ASIC2: variants seen among roughly 807,000 people sequenced by gnomAD.
The protein encoded by ASIC2 is acid sensing ion channel subunit 2, also known as acid-sensing ion channel 2.
ASIC2 carries 25 observed loss-of-function variants against 57.3 expected under a neutral mutation model. The observed-to-expected ratio is 0.44, with a 90% CI of 0.32 to 0.61. ASIC2 has a LOEUF of 0.61. ASIC2 is among the 20% of genes least tolerant of loss of function. The pLI, the probability that ASIC2 is intolerant of heterozygous loss-of-function variation, is 0.06. For synonymous variants in ASIC2, 319 were observed against 307.5 expected (o/e 1.04, Z -0.39); for missense variants, 641 against 738.1 (o/e 0.87, Z 1.52).
chr17:33,287,280 C>T (rs928003233), intron 1 of ASIC2, among the ~76,000 whole-genome samples: 15 of 152,240 alleles, frequency 9.9e-5, no homozygotes, highest in Admixed American at 4.6e-4. Flanking sequence ...CAAAGACCCA[C>T]GCTGAGGTCT....
intron 1 of ASIC2, among the ~76,000 whole-genome samples, chr17:33,840,898 G>A (rs1567731070): frequency 6.6e-6 from 1 of 151,634 alleles, no homozygotes; most frequent in Non-Finnish European, 1.5e-5. Context: ...TAACAAAATT[G>A]GAGCATCTTA....
At chr17:33,467,959 A>G (rs1365832202) in intron 1 of ASIC2, among the ~76,000 whole-genome samples, 1 of 152,238 alleles carries the variant, frequency 6.6e-6, no homozygotes, top group East Asian at 1.9e-4. Context: ...AATATTTTAC[A>G]GCATTTGACC....
intron 1 of ASIC2, among the ~76,000 whole-genome samples, chr17:33,673,897 C>CTTTTTTTT (rs574986885): frequency 2.6e-4 from 37 of 141,156 alleles, no homozygotes; most frequent in Middle Eastern, 3.7e-3. Flanking sequence ...GCATCCGTGT[C>CTTTTTTTT]TTTTTTTTTT....
intron 1 of ASIC2, among the ~76,000 whole-genome samples, chr17:33,953,470 T>G (rs1316946333): frequency 6.6e-6 from 1 of 152,148 alleles, no homozygotes; most frequent in Non-Finnish European, 1.5e-5. Context: ...ATCTGTAATA[T>G]TTTCAGTAAA....
intron 1 of ASIC2, among the ~76,000 whole-genome samples, chr17:33,579,591 G>A (rs554858121): frequency 1.3e-5 from 2 of 152,076 alleles, no homozygotes; most frequent in East Asian, 3.9e-4. Flanking sequence ...AGCTCTTAAA[G>A]ATGGTGTGTC....
At chr17:34,111,475 A>T (rs951956881) in intron 1 of ASIC2, among the ~76,000 whole-genome samples, 1 of 152,070 alleles carries the variant, frequency 6.6e-6, no homozygotes. Flanking sequence ...TCAAAAGTAT[A>T]TGCACTCTGA....
chr17:33,851,226 C>T (rs4035204), intron 1 of ASIC2, among the ~76,000 whole-genome samples: 1 of 152,148 alleles, frequency 6.6e-6, no homozygotes, highest in African/African-American at 2.4e-5. Flanking sequence ...GAGAAGCTTT[C>T]TTAGGAGCAG....
At chr17:33,790,559 T>C (rs547616459) in intron 1 of ASIC2, among the ~76,000 whole-genome samples, 60 of 152,338 alleles carry the variant, frequency 3.9e-4, no homozygotes, top group African/African-American at 1.4e-3. Flanking sequence ...CTTAATTTTG[T>C]ATATTTTATG....
chr17:33,198,805 G>C (rs778006550), intron 1 of ASIC2, among the ~76,000 whole-genome samples: 3 of 152,204 alleles, frequency 2.0e-5, no homozygotes, highest in African/African-American at 7.2e-5. Flanking sequence ...CCCAGCTAGG[G>C]TAAGATGCAT....
chr17:34,032,783 G>T (rs1280485005), intron 1 of ASIC2, among the ~76,000 whole-genome samples: 3 of 152,082 alleles, frequency 2.0e-5, no homozygotes, highest in African/African-American at 2.4e-5. Context: ...TACATAAAGG[G>T]AAAGGGATCA....
chr17:34,054,309 T>G (rs1908680314), intron 1 of ASIC2, among the ~76,000 whole-genome samples: 1 of 152,220 alleles, frequency 6.6e-6, no homozygotes, highest in South Asian at 2.1e-4. Context: ...TGGGAGACAT[T>G]GATGTCAATG....
At chr17:33,632,857 T>C (rs971167865) in intron 1 of ASIC2, among the ~76,000 whole-genome samples, 1 of 152,338 alleles carries the variant, frequency 6.6e-6, no homozygotes, top group South Asian at 2.1e-4. Flanking sequence ...ATTTACTTTC[T>C]ACTTGTAGAT....
chr17:33,063,352 GC>G (rs1175404180), intron 3 of ASIC2, among the ~76,000 whole-genome samples: 1 of 152,182 alleles, frequency 6.6e-6, no homozygotes, highest in Admixed American at 6.5e-5. Context: ...TGTAGGGCAG[GC>G]CTGGCGGTGA....
chr17:33,372,733 C>T (rs763530833), intron 1 of ASIC2, among the ~76,000 whole-genome samples: 14 of 152,152 alleles, frequency 9.2e-5, no homozygotes, highest in East Asian at 1.9e-4. Flanking sequence ...CAGCCCATAG[C>T]CCCCTGGGAG....
At chr17:33,873,940 C>T (rs1203496992) in intron 1 of ASIC2, among the ~76,000 whole-genome samples, 2 of 152,210 alleles carry the variant, frequency 1.3e-5, no homozygotes, top group African/African-American at 4.8e-5. Context: ...CATAGCCAGG[C>T]AGCTGGGGCT....
chr17:33,788,840 G>T (rs1271387563), intron 1 of ASIC2, among the ~76,000 whole-genome samples: 1 of 152,150 alleles, frequency 6.6e-6, no homozygotes, highest in Non-Finnish European at 1.5e-5. Flanking sequence ...TCATAAGTGG[G>T]AAGTGAACAT....
At chr17:33,733,103 T>C (rs1909798735) in intron 1 of ASIC2, among the ~76,000 whole-genome samples, 1 of 147,272 alleles carries the variant, frequency 6.8e-6, no homozygotes, top group Non-Finnish European at 1.5e-5. Context: ...TTAAAAAAAC[T>C]TTAATTTGTT....
intron 1 of ASIC2, among the ~76,000 whole-genome samples, chr17:33,818,665 C>T (rs1449532741): frequency 6.6e-6 from 1 of 152,198 alleles, no homozygotes; most frequent in Non-Finnish European, 1.5e-5. Flanking sequence ...AGGCACAGGA[C>T]TGCCCCCACA....
At chr17:33,658,345 C>T (rs1339975588) in intron 1 of ASIC2, among the ~76,000 whole-genome samples, 1 of 152,182 alleles carries the variant, frequency 6.6e-6, no homozygotes, top group Non-Finnish European at 1.5e-5. Context: ...GTGCAGTCCT[C>T]CTTCAGGAGG....
Sources: allele counts gnomAD v4.1 joint callset (sites outside exome capture counted in the v4.1 genomes callset), GRCh38; gene constraint gnomAD v4.1.1; transcripts MANE v1.5; gene names NCBI Gene and HGNC (gene_info 2026-07-23, HGNC 2026-07-21).